Variants in MRPS27 observed in about 807,000 individuals in gnomAD.
The protein encoded by MRPS27 is small ribosomal subunit protein mS27.
A neutral mutation model predicts 48.9 loss-of-function variants in MRPS27; 43 were observed. The ratio of observed to expected loss-of-function variants is 0.88; its 90% CI spans 0.69 to 1.13. The LOEUF (loss-of-function observed/expected upper bound fraction) is 1.13, where lower values mean the gene tolerates loss of function less well. MRPS27 is among the 50% of genes most tolerant of loss of function. The probability of loss-of-function intolerance (pLI) is 0.00; values close to 1 mark genes in which losing one functional copy is unlikely to be tolerated. For synonymous variants in MRPS27, 188 were observed against 171.9 expected, an observed-to-expected ratio of 1.09 and a Z score of -0.73; for missense variants, 467 against 476.3, an observed-to-expected ratio of 0.98 and a Z score of 0.18.
intron 9 of MRPS27, 78 bp from the exon 10 acceptor site, chr5:72,223,928 G>T: frequency 1.4e-6 from 2 of 1,402,328 alleles, no homozygotes; most frequent in Non-Finnish European, 1.9e-6. Context: ...TAGAGAAGGC[G>T]AAAGAAAGGA....
At chr5:72,254,009 G>A (rs1052695187) in intron 4 of MRPS27, among the ~76,000 whole-genome samples, 1 of 152,072 alleles carries the variant, frequency 6.6e-6, no homozygotes, top group Admixed American at 6.6e-5. Context: ...GAACTCCTGG[G>A]CTCAAGCAGT....
intron 4 of MRPS27, among the ~76,000 whole-genome samples, chr5:72,248,802 G>C (rs1748579661): frequency 2.0e-5 from 3 of 150,392 alleles, no homozygotes; most frequent in Admixed American, 2.0e-4. Context: ...TTGCTATTGT[G>C]ATCCACAGAC....
At position 72,220,153 on chromosome 5, in the gene MRPS27, G is replaced by A. The variant is rs1747700107; in HGVS notation, c.*756C>T. On this transcript the variant is annotated 3_prime_UTR_variant, in exon 11 of 11. Transcript: ENST00000261413. Reference sequence around the variant, plus strand: ...AGCTTGCACTCAGAAAGGAGACTCAGGGACACAAGGTCTCAGGATGCACAG... The same window carrying A: ...AGCTTGCACTCAGAAAGGAGACTCAAGGACACAAGGTCTCAGGATGCACAG... 1 of 152,774 alleles carries A rather than the reference G, an allele frequency of 6.5e-6. No individual in the cohort carries two copies. The highest frequency in any genetic ancestry group is 1.9e-4 in the East Asian group (1 of 5,196). 9.5% of individuals were successfully genotyped at this position (152,774 alleles called of 1,614,324 possible).
At chr5:72,304,725 T>C (rs963042485) in intron 2 of MRPS27, among the ~76,000 whole-genome samples, 1 of 152,128 alleles carries the variant, frequency 6.6e-6, no homozygotes, top group Non-Finnish European at 1.5e-5. Flanking sequence ...GTGTGGTCTC[T>C]GGGGCAAAGT....
At chr5:72,262,050 G>C (rs1164638013) in intron 4 of MRPS27, among the ~76,000 whole-genome samples, 3 of 152,124 alleles carry the variant, frequency 2.0e-5, no homozygotes, top group African/African-American at 7.2e-5. Context: ...TTTCTAGTCA[G>C]CAAGTTCAAA....
At chr5:72,236,039 T>C (rs1748192049) in intron 5 of MRPS27, among the ~76,000 whole-genome samples, 2 of 152,120 alleles carry the variant, frequency 1.3e-5, no homozygotes, top group Non-Finnish European at 2.9e-5. Context: ...CTTCTGCTTG[T>C]TTTTCTTTTG....
At chr5:72,278,585 T>G (rs1455363460) in intron 4 of MRPS27, among the ~76,000 whole-genome samples, 3 of 152,182 alleles carry the variant, frequency 2.0e-5, no homozygotes, top group Middle Eastern at 3.2e-3. Context: ...TCTTCATAGG[T>G]AGATAATACC....
intron 4 of MRPS27, among the ~76,000 whole-genome samples, chr5:72,293,426 T>TAA (rs749509427): frequency 3.9e-5 from 6 of 152,300 alleles, no homozygotes; most frequent in Non-Finnish European, 8.8e-5. Context: ...GATGTCCAAT[T>TAA]AAACAGTGGC....
At chr5:72,225,651 C>G (rs983092191) in intron 9 of MRPS27, among the ~76,000 whole-genome samples, 5 of 152,180 alleles carry the variant, frequency 3.3e-5, no homozygotes, top group African/African-American at 1.2e-4. Flanking sequence ...CATCTCTGGT[C>G]CCCAGATTCA....
chr5:72,235,505 G>A (rs533863626), intron 5 of MRPS27, among the ~76,000 whole-genome samples: 1 of 152,102 alleles, frequency 6.6e-6, no homozygotes, highest in Non-Finnish European at 1.5e-5. Context: ...AGGACCTTTG[G>A]GTGACAACGG....
At position 72,278,136 on chromosome 5, in the gene MRPS27, C is replaced by T. The variant is rs114565779; in HGVS notation, c.281+17395G>A. Among the ~76,000 whole-genome samples the T allele has an allele frequency of 3.7e-3, 567 of 152,128 alleles. 1 individual carries two copies. Among genetic ancestry groups the T allele is most frequent in the African/African-American group, 0.013 (551 of 41,496 alleles). On this transcript the variant is annotated intron_variant, in intron 4 of 10. Transcript: ENST00000261413. ...ACATAACACCCACATACTCAACCAC[C>T]TATCTTCATCAAATTTTAAAATCTG...
chr5:72,308,659 G>A (rs764276588), intron 2 of MRPS27, among the ~76,000 whole-genome samples: 6 of 152,224 alleles, frequency 3.9e-5, no homozygotes, highest in Admixed American at 1.3e-4. Flanking sequence ...CCTGCTAAGT[G>A]CCAGTAGCTC....
chr5:72,298,620 G>A (rs1464307765), intron 2 of MRPS27, among the ~76,000 whole-genome samples: 1 of 151,478 alleles, frequency 6.6e-6, no homozygotes. Context: ...GCAGGAGAAT[G>A]GCGTGAACCC....
intron 4 of MRPS27, among the ~76,000 whole-genome samples, chr5:72,255,835 G>A (rs1416677397): frequency 1.3e-5 from 2 of 152,138 alleles, no homozygotes; most frequent in Non-Finnish European, 2.9e-5. Context: ...CCTGCCTGAC[G>A]CTAAAATAGG....
chr5:72,235,241 A>G (rs190996987), intron 5 of MRPS27, among the ~76,000 whole-genome samples: 168 of 152,242 alleles, frequency 1.1e-3, no homozygotes, highest in Middle Eastern at 6.8e-3. Flanking sequence ...CAGGCTAAAA[A>G]CCAAAATATT....
chr5:72,291,123 C>G (rs1749808147), intron 4 of MRPS27, among the ~76,000 whole-genome samples: 1 of 152,132 alleles, frequency 6.6e-6, no homozygotes, highest in Admixed American at 6.5e-5. Flanking sequence ...CTGGCTGTAT[C>G]TAAATTTTCA....
intron 4 of MRPS27, among the ~76,000 whole-genome samples, chr5:72,292,824 G>C (rs1021045461): frequency 1.3e-5 from 2 of 152,210 alleles, no homozygotes; most frequent in Non-Finnish European, 2.9e-5. Context: ...CTGTGGGCTT[G>C]TCTGTTAAAG....
At chr5:72,241,795 G>C in intron 4 of MRPS27, 1 of 1,082,360 alleles carries the variant, frequency 9.2e-7, no homozygotes, top group South Asian at 1.4e-5. Context: ...CCACCAGCCT[G>C]GCAGATTACA....
intron 5 of MRPS27, among the ~76,000 whole-genome samples, chr5:72,234,557 T>TA (rs1748152922): frequency 1.3e-5 from 2 of 152,202 alleles, no homozygotes; most frequent in South Asian, 4.1e-4. Flanking sequence ...AAAGTATGAA[T>TA]AACAATACAA....
Sources: allele counts gnomAD v4.1 joint callset (sites outside exome capture counted in the v4.1 genomes callset), GRCh38; gene constraint gnomAD v4.1.1; transcripts MANE v1.5; gene names NCBI Gene and HGNC (gene_info 2026-07-23, HGNC 2026-07-21).